The following LCA5 variants were observed in gnomAD, a reference collection of about 807,000 sequenced individuals.
The protein encoded by LCA5 is lebercilin.
Under a neutral mutation model 53.0 loss-of-function variants are expected in LCA5, and 37 were observed. That is an observed-to-expected ratio of 0.70 (90% CI 0.54 to 0.92). LCA5 has a LOEUF of 0.92. Ranked by LOEUF, LCA5 falls within the 40% of genes least tolerant of loss-of-function variation. LCA5 has a pLI of 0.00. For missense variants in LCA5, 806 were observed against 790.5 expected (o/e 1.02, Z -0.23); for synonymous variants, 303 against 282.9 (o/e 1.07, Z -0.71).
At position 79,486,563 on chromosome 6, in the gene LCA5, GGTT is replaced by G. The variant is rs920581303; in HGVS notation, c.*438_*440del. Reference sequence around the variant, plus strand: ...AAGGGAAGGGCTCCTAAGAAGCACTGGTTCTCCACCATCCGGAGCTACACTTCC... The same window carrying G: ...AAGGGAAGGGCTCCTAAGAAGCACTGCTCCACCATCCGGAGCTACACTTCC... On this transcript the variant is annotated 3_prime_UTR_variant, in exon 8 of 8. Coordinates refer to ENST00000369846, the MANE Select transcript of LCA5 (RefSeq NM_001122769.3). 4.3e-5 allele frequency: 7 copies of G among 162,604 alleles called. No homozygotes were observed. Among genetic ancestry groups the G allele is most frequent in the African/African-American group, 1.7e-4 (7 of 41,450 alleles). The allele number at this position is 162,604 out of a possible 1,614,324, so 10.1% of individuals were successfully genotyped here. A position where few individuals can be genotyped will look rare whatever the true frequency, so the allele number is the denominator to read the frequency against.
intron 3 of LCA5, among the ~76,000 whole-genome samples, chr6:79,509,659 T>TTGTGAAAA: frequency 6.6e-6 from 1 of 152,224 alleles, no homozygotes; most frequent in Non-Finnish European, 1.5e-5. Context: ...TCTTAACCCC[T>TTGTGAAAA]TGTGAAAATA....
At chr6:79,508,990 CATAATG>C (rs1441451181) in intron 3 of LCA5, among the ~76,000 whole-genome samples, 1 of 152,022 alleles carries the variant, frequency 6.6e-6, no homozygotes, top group African/African-American at 2.4e-5. Flanking sequence ...GAAAGATGTA[CATAATG>C]GGTTAAAAAC....
chr6:79,534,837 A>G (rs922790849), intron 1 of LCA5, among the ~76,000 whole-genome samples: 1 of 152,186 alleles, frequency 6.6e-6, no homozygotes, highest in Non-Finnish European at 1.5e-5. Context: ...AGTAAAAGGC[A>G]TTAGATAAGC....
At chr6:79,487,918 A>T (rs1363056207) in intron 7 of LCA5, 52 bp from the exon 8 acceptor site, 1 of 1,375,362 alleles carries the variant, frequency 7.3e-7, no homozygotes, top group Non-Finnish European at 1.0e-6. Context: ...CAATATTTTT[A>T]AATAGGAAAA....
intron 3 of LCA5, among the ~76,000 whole-genome samples, chr6:79,501,505 C>T (rs1372799490): frequency 6.6e-6 from 1 of 152,018 alleles, no homozygotes; most frequent in African/African-American, 2.4e-5. Context: ...TATTTAACTG[C>T]ACCCTTTGGG....
Position 79,516,612 on chromosome 6 carries a change from A to G in LCA5, c.190+2093T>C, listed in dbSNP as rs542934320. Among the ~76,000 whole-genome samples, 6 of 152,068 alleles carry G rather than the reference A, an allele frequency of 3.9e-5. No individual in the cohort carries two copies. The South Asian group carries it at 1.2e-3, about 32-fold the overall frequency. The stretch of plus-strand genomic sequence containing the variant: ...AACTGATCATTAACCTGAACTTACA[A>G]ATATTTCCAGCTTTCATCTACCTTT... On this transcript the variant is annotated intron_variant, in intron 2 of 7. Transcript: ENST00000369846.
chr6:79,525,674 G>A (rs930349301), intron 1 of LCA5, among the ~76,000 whole-genome samples: 1 of 152,214 alleles, frequency 6.6e-6, no homozygotes, highest in Non-Finnish European at 1.5e-5. Flanking sequence ...AATTCCCTCT[G>A]CATTCCTGCA....
intron 3 of LCA5, among the ~76,000 whole-genome samples, chr6:79,502,124 T>C (rs1770157260): frequency 6.6e-6 from 1 of 152,156 alleles, no homozygotes; most frequent in South Asian, 2.1e-4. Flanking sequence ...CGGAAAACAC[T>C]GGTATTTGCC....
chr6:79,488,037 ATATAT>A (rs1769722523), intron 7 of LCA5, 171 bp from the exon 8 acceptor site: 1 of 612,272 alleles, frequency 1.6e-6, no homozygotes, highest in Non-Finnish European at 2.8e-6. Flanking sequence ...TTAGAGAATA[ATATAT>A]TTAATACGTA....
At chr6:79,518,051 G>A (rs1188605261) in intron 2 of LCA5, among the ~76,000 whole-genome samples, 2 of 152,048 alleles carry the variant, frequency 1.3e-5, no homozygotes, top group Admixed American at 6.5e-5. Flanking sequence ...TAACTACAAT[G>A]GGGTTTTCTT....
At chr6:79,526,545 AAAAAC>A (rs60323724) in intron 1 of LCA5, among the ~76,000 whole-genome samples, 3 of 152,206 alleles carry the variant, frequency 2.0e-5, no homozygotes, top group Non-Finnish European at 2.9e-5. Flanking sequence ...CACCGTCTCA[AAAAAC>A]AAAACAAAAC....
upstream of LCA5, among the ~76,000 whole-genome samples, chr6:79,538,053 TTA>T (rs1767212063): frequency 7.5e-6 from 1 of 133,372 alleles, no homozygotes; most frequent in Non-Finnish European, 1.6e-5. Context: ...TTTTTTTTTT[TTA>T]AGGAACGTTT....
Position 79,495,955 on chromosome 6 carries a change from A to G in LCA5, c.721-2205T>C, listed in dbSNP as rs1042618189. ...AGTGGTCAACTATATATTACCTCCAAACATCTGTATCTGTCCCACAAAATT... is the reference window on the plus strand; with the variant it reads ...AGTGGTCAACTATATATTACCTCCAGACATCTGTATCTGTCCCACAAAATT... On this transcript the variant is annotated intron_variant, in intron 3 of 7. Transcript: ENST00000369846. 2.2e-4 allele frequency among the ~76,000 whole-genome samples: 34 copies of G among 152,124 alleles called. 1 individual carries two copies. Among genetic ancestry groups the G allele is most frequent in the African/African-American group, 7.7e-4 (32 of 41,410 alleles).
At chr6:79,526,300 T>TA (rs1368787729) in intron 1 of LCA5, among the ~76,000 whole-genome samples, 2 of 152,088 alleles carry the variant, frequency 1.3e-5, no homozygotes, top group African/African-American at 4.8e-5. Context: ...TCTCAGCATT[T>TA]TGGGAGGCCG....
At position 79,499,550 on chromosome 6, in the gene LCA5, C is replaced by T. The variant is rs1344278079; in HGVS notation, c.721-5800G>A. Among the ~76,000 whole-genome samples the T allele has an allele frequency of 2.0e-5, 3 of 151,172 alleles. No individual in the cohort carries two copies. The East Asian group carries it at 5.8e-4, about 29-fold the overall frequency. Reference sequence around the variant, plus strand: ...TTTAAATATTCTTTTTCTGTATATTCAAAATATTTCATAAAAAATATTAGA... The same window carrying T: ...TTTAAATATTCTTTTTCTGTATATTTAAAATATTTCATAAAAAATATTAGA... On this transcript the variant is annotated intron_variant, in intron 3 of 7. Coordinates refer to ENST00000369846, the MANE Select transcript of LCA5 (RefSeq NM_001122769.3).
chr6:79,503,746 A>G (rs1485622654), intron 3 of LCA5, among the ~76,000 whole-genome samples: 2 of 152,210 alleles, frequency 1.3e-5, no homozygotes, highest in East Asian at 3.9e-4. Context: ...GGTGTATCAC[A>G]CATCATAAAG....
chr6:79,495,603 T>C (rs796739879), intron 3 of LCA5, among the ~76,000 whole-genome samples: 15 of 151,760 alleles, frequency 9.9e-5, no homozygotes, highest in African/African-American at 3.6e-4. Context: ...TACAAAAAAT[T>C]AGCCAGGTGT....
intron 3 of LCA5, among the ~76,000 whole-genome samples, chr6:79,500,447 A>G (rs1472100171): frequency 6.6e-6 from 1 of 152,178 alleles, no homozygotes; most frequent in African/African-American, 2.4e-5. Context: ...TTTAAATAAC[A>G]ATATTGCATT....
At chr6:79,524,276 A>G (rs1766716322) in intron 1 of LCA5, among the ~76,000 whole-genome samples, 1 of 152,154 alleles carries the variant, frequency 6.6e-6, no homozygotes, top group Non-Finnish European at 1.5e-5. Context: ...AGACCATGTC[A>G]TGTTTATTAG....
Sources: allele counts gnomAD v4.1 joint callset (sites outside exome capture counted in the v4.1 genomes callset), GRCh38; gene constraint gnomAD v4.1.1; transcripts MANE v1.5; gene names NCBI Gene and HGNC (gene_info 2026-07-23, HGNC 2026-07-21).